Variants in GANAB observed in about 807,000 individuals in gnomAD.
GANAB encodes the protein neutral alpha-glucosidase AB.
A neutral mutation model predicts 129.9 loss-of-function variants in GANAB; 35 were observed. The observed-to-expected ratio is 0.27, with a 90% CI of 0.21 to 0.36. The LOEUF (loss-of-function observed/expected upper bound fraction) is 0.36. GANAB is among the 10% of genes least tolerant of loss of function. The probability of loss-of-function intolerance (pLI) is 1.00; values close to 1 mark genes in which losing one functional copy is unlikely to be tolerated. For synonymous variants in GANAB, 482 were observed against 451.8 expected (o/e 1.07, Z -0.85); for missense variants, 939 against 1,221.0 (o/e 0.77, Z 3.44).
intron 1 of GANAB, among the ~76,000 whole-genome samples, chr11:62,644,284 T>C (rs1317668743): frequency 6.6e-6 from 1 of 152,004 alleles, no homozygotes; most frequent in East Asian, 1.9e-4. Flanking sequence ...GACACTGATA[T>C]GGGCAGAATA....
intron 4 of GANAB, among the ~76,000 whole-genome samples, chr11:62,635,787 G>A (rs1012708238): frequency 4.0e-5 from 6 of 151,586 alleles, no homozygotes; most frequent in African/African-American, 9.7e-5. Context: ...CACCACACCC[G>A]GCTAATTTTT....
intron 4 of GANAB, among the ~76,000 whole-genome samples, chr11:62,636,329 G>A (rs1018793627): frequency 2.6e-5 from 4 of 152,096 alleles, no homozygotes; most frequent in Admixed American, 2.0e-4. Context: ...GGATGGGCTC[G>A]GTGGCCCACT....
chr11:62,626,022 T>G (rs767655408), intron 23 of GANAB, 43 bp downstream of exon 23: 9 of 1,517,492 alleles, frequency 5.9e-6, no homozygotes, highest in Non-Finnish European at 8.2e-6. Flanking sequence ...CTGCCCCGGC[T>G]TCCCCTCCTT....
chr11:62,632,624 T>C lies in GANAB; in HGVS notation c.937A>G (p.Ile313Val), dbSNP rs753135971. Reference protein sequence around the residue: ...LAHNPHRDLGIFWLNAAETWV... With the variant: ...LAHNPHRDLGVFWLNAAETWV... ...GTCTCTGCAGCATTGAGCCAGAAGA[T>C]GCCCAAGTCGCGATGAGGGTTGTGT... The change falls in exon 9 of 24, where the codon ATC becomes GTC. Residue 313 changes from isoleucine to valine, a missense_variant. Transcript: ENST00000356638. The C allele has an allele frequency of 2.5e-6, 4 of 1,614,000 alleles. No individual in the cohort carries two copies. Among genetic ancestry groups the C allele is most frequent in the Middle Eastern group, 1.6e-4 (1 of 6,078 alleles).
chr11:62,627,184 A>G lies in GANAB; in HGVS notation c.2246-60T>C, dbSNP rs1224952591. ...ATTAGTTCCCAGAACAGGGAACACCAAAGTGCCTGCCCTCTGCACCACCAG... is the reference window on the plus strand; with the variant it reads ...ATTAGTTCCCAGAACAGGGAACACCGAAGTGCCTGCCCTCTGCACCACCAG... On this transcript the variant is annotated intron_variant, in intron 18 of 23. Transcript: ENST00000356638. 2.7e-6 allele frequency: 4 copies of G among 1,484,722 alleles called. No individual in the cohort carries two copies. The Admixed American group carries it at 5.0e-5, about 19-fold the overall frequency. 92.0% of individuals were successfully genotyped at this position (1,484,722 alleles called of 1,614,324 possible).
In GANAB at chr11:62,629,909, C is replaced by T. The variant is rs770740488; in HGVS notation, c.1642G>A (p.Val548Met). ...ATGGTGACCTCAGGACCATTGAACA[C>T]AGATGGTTCGTTCATGTCATTCCAG... Reference protein sequence around the residue: ...FVWNDMNEPSVFNGPEVTMLK... With the variant: ...FVWNDMNEPSMFNGPEVTMLK... The change falls in exon 14 of 24, where the codon GTG becomes ATG. Residue 548 changes from valine (V) to methionine (M), a missense_variant. Transcript: ENST00000356638. The T allele has an allele frequency of 6.2e-7, 1 of 1,613,952 alleles. No homozygotes were observed. Among genetic ancestry groups the T allele is most frequent in the South Asian group, 1.1e-5 (1 of 91,072 alleles).
At chr11:62,629,763 C>T (rs1943574764) in intron 14 of GANAB, 51 bp downstream of exon 14, 1 of 1,611,398 alleles carries the variant, frequency 6.2e-7, no homozygotes. Flanking sequence ...GGCCCTCAGT[C>T]TCTGGGCTGT....
At chr11:62,646,204 C>G (rs1375759294) in intron 1 of GANAB, among the ~76,000 whole-genome samples, 1 of 152,210 alleles carries the variant, frequency 6.6e-6, no homozygotes, top group Non-Finnish European at 1.5e-5. Context: ...GAGGCCAGGC[C>G]GCATCTTTTC....
intron 1 of GANAB, among the ~76,000 whole-genome samples, chr11:62,645,253 G>A (rs1944426686): frequency 6.6e-6 from 1 of 152,056 alleles, no homozygotes. Flanking sequence ...ACAGTGAGTT[G>A]AGGCCGGGCG....
At position 62,627,350 on chromosome 11, in the gene GANAB, G is replaced by T; in HGVS notation, c.2184C>A (p.Pro728=). The T allele has an allele frequency of 6.5e-7, 1 of 1,536,360 alleles. No homozygotes were observed. Among genetic ancestry groups the T allele is most frequent in the Non-Finnish European group, 9.0e-7 (1 of 1,109,206 alleles). ...CATCCTGAGGGTACTGCACCCACAGGGGCCTAGGAAGGAAGAAAGACAATA... is the reference window on the plus strand; with the variant it reads ...CATCCTGAGGGTACTGCACCCACAGTGGCCTAGGAAGGAAGAAAGACAATA... ...AHREGIPVMR[P]LWVQYPQDVT... is the part of the protein sequence containing the mutation. Residue 728 remains proline (P), a synonymous_variant, in exon 18 of 24, where the codon CCC becomes CCA. Transcript: ENST00000356638.
rs774517351 is a variant in GANAB, at chr11:62,634,380, G to C, written c.560+441C>G. ...AGATTAACCTTATCCGAGAAACTGG[G>C]GCAGGAGGAGATGGGTAGGGAAGGG... is the stretch of plus-strand genomic sequence containing the variant. On this transcript the variant is annotated intron_variant, in intron 5 of 23. Coordinates refer to ENST00000356638, the MANE Select transcript of GANAB (RefSeq NM_198334.3). 2.4e-5 allele frequency: 38 copies of C among 1,600,094 alleles called. No individual in the cohort carries two copies. The South Asian group carries it at 4.1e-4, about 17-fold the overall frequency.
At chr11:62,633,584 T>C (rs1468720325) in intron 5 of GANAB, 70 bp from the exon 6 acceptor site, 7 of 1,371,764 alleles carry the variant, frequency 5.1e-6, no homozygotes, top group East Asian at 2.3e-5. Flanking sequence ...GAAGGAGGGG[T>C]TGGGGAATAG....
rs1943528871 is a variant in GANAB at position 62,628,879 on chromosome 11, T to C, written c.2070A>G (p.Pro690=). 1 of 1,614,126 alleles carries C rather than the reference T, an allele frequency of 6.2e-7. No homozygotes were observed. Among genetic ancestry groups the C allele is most frequent in the Non-Finnish European group, 8.5e-7 (1 of 1,180,020 alleles). ...CTCGGATTATATCATTGTGCTGAGA[T>C]GGTAACAGCCATGGCTCTCGTCGCC... The part of the protein sequence containing the change: ...DTGRREPWLL[P]SQHNDIIRDA... Residue 690 remains proline, a synonymous_variant, in exon 17 of 24, where the codon CCA becomes CCG. Coordinates refer to ENST00000356638, the MANE Select transcript of GANAB (RefSeq NM_198334.3).
intron 3 of GANAB, 59 bp from the exon 4 acceptor site, chr11:62,639,169 T>C: frequency 6.3e-7 from 1 of 1,585,232 alleles, no homozygotes; most frequent in Admixed American, 1.7e-5. Context: ...TGGAATGCTC[T>C]TTGAACCCAT....
intron 1 of GANAB, among the ~76,000 whole-genome samples, chr11:62,643,602 C>T (rs1387971582): frequency 6.6e-6 from 1 of 152,178 alleles, no homozygotes; most frequent in African/African-American, 2.4e-5. Flanking sequence ...AAGGTTGTGC[C>T]ACTGCATTCC....
chr11:62,646,529 C>T, intron 1 of GANAB, 33 bp downstream of exon 1: 1 of 1,609,554 alleles, frequency 6.2e-7, no homozygotes. Context: ...CTGGGGGCGT[C>T]CCGGGCGCGC....
Position 62,628,913 on chromosome 11 carries a change from A to C in GANAB, c.2036T>G (p.Leu679Trp). ...YQPFFRAHAH[L>W]DTGRREPWLL... ...CCATGGCTCTCGTCGCCCAGTGTCC[A>C]AGTGGGCATGTGCCCGGAAGAATGG... The change falls in exon 17 of 24, where the codon TTG becomes TGG. Residue 679 changes from leucine (L) to tryptophan (W), a missense_variant. By Grantham distance (61) the Leu-to-Trp change is moderately conservative. This residue lies in a region of GANAB where 147 missense variants were observed against 282.4 expected (regional missense o/e 0.52). Transcript: ENST00000356638. 6.2e-7 allele frequency: 1 copy of C among 1,614,132 alleles called. No individual in the cohort carries two copies. The highest frequency in any genetic ancestry group is 8.5e-7 in the Non-Finnish European group (1 of 1,179,984).
At chr11:62,626,226 G>A (rs932461208) in intron 22 of GANAB, 61 bp from the exon 23 acceptor site, 7 of 1,371,722 alleles carry the variant, frequency 5.1e-6, no homozygotes, top group Admixed American at 1.7e-5. Flanking sequence ...AAGGAAGGAG[G>A]AGACCCAAAG....
At chr11:62,631,394 G>T (rs1208384734) in intron 9 of GANAB, among the ~76,000 whole-genome samples, 1 of 151,562 alleles carries the variant, frequency 6.6e-6, no homozygotes, top group Non-Finnish European at 1.5e-5. Context: ...ACCAGTTTGG[G>T]GTGGTTAAGT....
Sources: allele counts gnomAD v4.1 joint callset (sites outside exome capture counted in the v4.1 genomes callset), GRCh38; gene constraint gnomAD v4.1.1; regional missense constraint gnomAD v4.1.1; transcripts MANE v1.5; gene names NCBI Gene and HGNC (gene_info 2026-07-23, HGNC 2026-07-21).